The following RCAN2 variants were observed in gnomAD, a reference collection of about 807,000 sequenced individuals.
RCAN2 encodes the protein regulator of calcineurin 2, also known as calcipressin-2.
RCAN2 carries 9 observed loss-of-function variants against 23.6 expected under a neutral mutation model. The observed-to-expected ratio is 0.38, with a 90% CI of 0.23 to 0.67. RCAN2 has a LOEUF of 0.67. RCAN2 is among the 30% of genes least tolerant of loss of function. The pLI is 0.51. For synonymous variants in RCAN2, 109 were observed against 115.7 expected (o/e 0.94, Z 0.37); for missense variants, 273 against 302.3 (o/e 0.90, Z 0.72).
At chr6:46,405,992 C>G (rs1000009106) in intron 2 of RCAN2, among the ~76,000 whole-genome samples, 1 of 152,264 alleles carries the variant, frequency 6.6e-6, no homozygotes, top group South Asian at 2.1e-4. Flanking sequence ...GTACACCCTC[C>G]GCAGCCACTG....
intron 1 of RCAN2, among the ~76,000 whole-genome samples, chr6:46,480,489 T>C (rs1186658989): frequency 6.6e-6 from 1 of 152,230 alleles, no homozygotes; most frequent in Admixed American, 6.5e-5. Flanking sequence ...CATCTGCCTA[T>C]AAAAAATTCA....
chr6:46,471,409 G>C (rs1386971826), intron 1 of RCAN2, among the ~76,000 whole-genome samples: 1 of 152,204 alleles, frequency 6.6e-6, no homozygotes, highest in Non-Finnish European at 1.5e-5. Flanking sequence ...GTAGGAACTT[G>C]AGTCTGGGTG....
chr6:46,315,566 G>C (rs1164404232), intron 2 of RCAN2, among the ~76,000 whole-genome samples: 2 of 152,132 alleles, frequency 1.3e-5, no homozygotes, highest in Admixed American at 6.6e-5. Context: ...AGAGTGAAAG[G>C]GGGAGAGGTG....
chr6:46,290,062 A>G (rs1762497595), intron 2 of RCAN2, among the ~76,000 whole-genome samples: 2 of 152,132 alleles, frequency 1.3e-5, no homozygotes, highest in African/African-American at 4.8e-5. Context: ...GCTTGCTTCC[A>G]GGATCCCTGA....
At chr6:46,297,387 G>A (rs1374295238) in intron 2 of RCAN2, among the ~76,000 whole-genome samples, 1 of 152,096 alleles carries the variant, frequency 6.6e-6, no homozygotes, top group African/African-American at 2.4e-5. Context: ...TATGGTGAAA[G>A]GGTCCTATAC....
At chr6:46,408,461 T>G (rs780305143) in intron 2 of RCAN2, among the ~76,000 whole-genome samples, 5 of 152,236 alleles carry the variant, frequency 3.3e-5, no homozygotes, top group Admixed American at 6.5e-5. Context: ...CTGGATGTGC[T>G]GCCCTTCACA....
chr6:46,334,817 T>G (rs1266337148), intron 2 of RCAN2, among the ~76,000 whole-genome samples: 2 of 152,182 alleles, frequency 1.3e-5, no homozygotes, highest in Non-Finnish European at 2.9e-5. Context: ...TCATTTCTTC[T>G]TTGCCGTACC....
chr6:46,390,253 G>A (rs1765891978), intron 2 of RCAN2, among the ~76,000 whole-genome samples: 1 of 152,138 alleles, frequency 6.6e-6, no homozygotes, highest in Admixed American at 6.5e-5. Context: ...TAAATTTTGT[G>A]CCACTGATTC....
chr6:46,393,947 C>T (rs753598396), intron 2 of RCAN2, among the ~76,000 whole-genome samples: 6 of 152,204 alleles, frequency 3.9e-5, no homozygotes, highest in South Asian at 2.1e-4. Context: ...AAATCCGGCT[C>T]GGTTTCTTTA....
chr6:46,267,664 G>T (rs1189385349), intron 2 of RCAN2, among the ~76,000 whole-genome samples: 1 of 152,140 alleles, frequency 6.6e-6, no homozygotes, highest in Admixed American at 6.5e-5. Flanking sequence ...AACAGAGTGA[G>T]ACCTTGTGTA....
chr6:46,285,045 A>T (rs1047119144), intron 2 of RCAN2, among the ~76,000 whole-genome samples: 3 of 152,158 alleles, frequency 2.0e-5, no homozygotes, highest in African/African-American at 4.8e-5. Flanking sequence ...CTATTTGTTG[A>T]TCTATACATG....
intron 2 of RCAN2, among the ~76,000 whole-genome samples, chr6:46,448,831 A>G (rs181956156): frequency 6.6e-6 from 1 of 151,998 alleles, no homozygotes; most frequent in Admixed American, 6.5e-5. Flanking sequence ...ATGTACTTCA[A>G]TATAACAAAG....
chr6:46,360,442 G>A (rs1267630779), intron 2 of RCAN2, among the ~76,000 whole-genome samples: 1 of 147,774 alleles, frequency 6.8e-6, no homozygotes, highest in Non-Finnish European at 1.5e-5. Flanking sequence ...GCTGAGGCAG[G>A]AGAATGGTGT....
chr6:46,326,692 C>CT (rs1207713433), intron 2 of RCAN2, among the ~76,000 whole-genome samples: 1 of 152,164 alleles, frequency 6.6e-6, no homozygotes, highest in Non-Finnish European at 1.5e-5. Flanking sequence ...AGTATCTATC[C>CT]TTAAGAGTTC....
chr6:46,333,341 C>G (rs1764044351), intron 2 of RCAN2, among the ~76,000 whole-genome samples: 1 of 152,212 alleles, frequency 6.6e-6, no homozygotes. Flanking sequence ...GGCGATCACA[C>G]CATAGTAATA....
In RCAN2 at chr6:46,222,311, A is replaced by G. The variant is rs1274335399; in HGVS notation, c.*830T>C. Reference sequence around the variant, plus strand: ...AAGCACAGCTGAAACATTTGTACAAATATACAAAGAGAGAAAACAATCATT... The same window carrying G: ...AAGCACAGCTGAAACATTTGTACAAGTATACAAAGAGAGAAAACAATCATT... On this transcript the variant is annotated 3_prime_UTR_variant, in exon 5 of 5. Transcript: ENST00000371374. 1.3e-5 allele frequency: 3 copies of G among 223,782 alleles called. No individual in the cohort carries two copies. The highest frequency in any genetic ancestry group is 2.6e-5 in the Non-Finnish European group (3 of 115,552). The allele number at this position is 223,782 out of a possible 1,614,324, so 13.9% of individuals were successfully genotyped here.
intron 2 of RCAN2, among the ~76,000 whole-genome samples, chr6:46,419,596 G>T (rs943660824): frequency 2.6e-5 from 4 of 152,060 alleles, no homozygotes; most frequent in African/African-American, 4.8e-5. Flanking sequence ...CAGATTATTT[G>T]TTTATTTAAT....
At chr6:46,323,340 C>T (rs1416870252) in intron 2 of RCAN2, among the ~76,000 whole-genome samples, 1 of 148,640 alleles carries the variant, frequency 6.7e-6, no homozygotes, top group Non-Finnish European at 1.5e-5. Flanking sequence ...ACTATTCTCA[C>T]ATTATATGAG....
At chr6:46,270,453 G>C (rs1197779762) in intron 2 of RCAN2, among the ~76,000 whole-genome samples, 1 of 152,194 alleles carries the variant, frequency 6.6e-6, no homozygotes, top group Non-Finnish European at 1.5e-5. Flanking sequence ...TGGCATCGTG[G>C]AGAAGGTGGG....
Sources: gnomAD v4.1 joint callset for allele counts (sites outside exome capture counted in the v4.1 genomes callset) on GRCh38, gnomAD v4.1.1 for gene constraint, MANE v1.5 for transcripts, NCBI Gene and HGNC (gene_info 2026-07-23, HGNC 2026-07-21) for gene names.